Variants in ARHGAP22 observed in about 807,000 individuals in gnomAD.
ARHGAP22 encodes rho GTPase-activating protein 22.
Under a neutral mutation model 59.1 loss-of-function variants are expected in ARHGAP22, and 48 were observed. The ratio of observed to expected loss-of-function variants is 0.81; its 90% CI spans 0.64 to 1.03. The LOEUF is 1.03. Among genes scored for constraint, ARHGAP22 ranks in the 50% least tolerant of loss-of-function variants. ARHGAP22 has a pLI of 0.00. For synonymous variants in ARHGAP22, 445 were observed against 416.4 expected, an observed-to-expected ratio of 1.07 and a Z score of -0.84; for missense variants, 1,015 against 958.7, an observed-to-expected ratio of 1.06 and a Z score of -0.78.
chr10:48,585,368 AT>A (rs2059370217), intron 1 of ARHGAP22, among the ~76,000 whole-genome samples: 1 of 152,032 alleles, frequency 6.6e-6, no homozygotes, highest in Non-Finnish European at 1.5e-5. Flanking sequence ...CCATACTAAC[AT>A]TGGCCCCCTG....
chr10:48,450,984 T>C lies in ARHGAP22; in HGVS notation c.1145A>G (p.Glu382Gly). The C allele has an allele frequency of 6.4e-7, 1 of 1,561,816 alleles. No homozygotes were observed. The highest frequency in any genetic ancestry group is 8.7e-7 in the Non-Finnish European group (1 of 1,153,696). ...CGCGGGCAGGCCGGGGCCGCCGGGC[T>C]CTCCTTGGCTGTCCCTGGTGACCTC... ...SEEVTRDSQG[E>G]PGGPGLPAHR... Residue 382 changes from glutamate (E) to glycine (G), a missense_variant, in exon 9 of 10, where the codon GAG becomes GGG. Coordinates refer to ENST00000249601, the MANE Select transcript of ARHGAP22 (RefSeq NM_021226.4).
At chr10:48,635,378 T>C (rs1415472259) in intron 1 of ARHGAP22, among the ~76,000 whole-genome samples, 2 of 152,240 alleles carry the variant, frequency 1.3e-5, no homozygotes, top group Admixed American at 6.5e-5. Context: ...CCGTAACTTG[T>C]CCCAGCCCCT....
chr10:48,461,903 A>G (rs2047169238), intron 4 of ARHGAP22, among the ~76,000 whole-genome samples: 1 of 152,204 alleles, frequency 6.6e-6, no homozygotes, highest in African/African-American at 2.4e-5. Flanking sequence ...TGTCTTACTT[A>G]GCTTCCCACC....
At chr10:48,479,188 GGCTCCCCGTT>G (rs1430668596) in intron 4 of ARHGAP22, 1 of 169,654 alleles carries the variant, frequency 5.9e-6, no homozygotes, top group Non-Finnish European at 1.3e-5. Flanking sequence ...GCATGCCCCT[GGCTCCCCGTT>G]GCTGCATTAA....
intron 1 of ARHGAP22, among the ~76,000 whole-genome samples, chr10:48,592,433 C>A (rs1306279124): frequency 1.3e-5 from 2 of 152,246 alleles, no homozygotes; most frequent in Non-Finnish European, 2.9e-5. Flanking sequence ...TCCTCCCATT[C>A]TTTGGCCCTT....
At chr10:48,643,519 C>A (rs555712913) in intron 1 of ARHGAP22, among the ~76,000 whole-genome samples, 29 of 151,448 alleles carry the variant, frequency 1.9e-4, no homozygotes, top group African/African-American at 6.1e-4. Context: ...AACCAAACAT[C>A]GCATGTTCTC....
intron 4 of ARHGAP22, among the ~76,000 whole-genome samples, chr10:48,465,068 A>G (rs531408278): frequency 1.7e-3 from 256 of 152,242 alleles, no homozygotes; most frequent in African/African-American, 5.8e-3. Context: ...AGGGTCTCTC[A>G]GGAGCCTGGC....
chr10:48,499,253 G>A (rs1196150570), intron 3 of ARHGAP22, among the ~76,000 whole-genome samples: 1 of 152,242 alleles, frequency 6.6e-6, no homozygotes, highest in African/African-American at 2.4e-5. Context: ...CCTGCAGCTG[G>A]AAGCAGGATG....
intron 3 of ARHGAP22, among the ~76,000 whole-genome samples, chr10:48,487,451 G>A (rs746399578): frequency 6.6e-6 from 1 of 152,128 alleles, no homozygotes; most frequent in Non-Finnish European, 1.5e-5. Flanking sequence ...AATCATAAGG[G>A]TATTTAAAAG....
At chr10:48,490,229 C>T (rs2050252780) in intron 3 of ARHGAP22, among the ~76,000 whole-genome samples, 1 of 152,176 alleles carries the variant, frequency 6.6e-6, no homozygotes, top group Non-Finnish European at 1.5e-5. Flanking sequence ...AGCTGGCAAG[C>T]ACTGTCTAAG....
intron 8 of ARHGAP22, among the ~76,000 whole-genome samples, chr10:48,452,209 A>C (rs2046041571): frequency 1.3e-5 from 2 of 152,136 alleles, no homozygotes; most frequent in African/African-American, 2.4e-5. Context: ...CAGGGCATCT[A>C]TCCAGCTGCC....
intron 1 of ARHGAP22, among the ~76,000 whole-genome samples, chr10:48,595,690 A>AT (rs995452590): frequency 1.5e-4 from 22 of 149,832 alleles, no homozygotes; most frequent in East Asian, 3.9e-4. Context: ...TGCCTGGCTA[A>AT]TTTTTTTTTT....
intron 9 of ARHGAP22, among the ~76,000 whole-genome samples, chr10:48,449,190 T>C (rs1003783106): frequency 6.6e-6 from 1 of 152,256 alleles, no homozygotes; most frequent in Admixed American, 6.5e-5. Flanking sequence ...CTGCAGCAGA[T>C]AGCATCTTCT....
chr10:48,441,716 T>C (rs369558305), downstream of ARHGAP22, among the ~76,000 whole-genome samples: 32 of 152,236 alleles, frequency 2.1e-4, no homozygotes, highest in African/African-American at 7.5e-4. Flanking sequence ...CCTCCCAAAG[T>C]GCTGGGATTA....
intron 3 of ARHGAP22, among the ~76,000 whole-genome samples, chr10:48,522,615 C>T (rs929152899): frequency 8.5e-5 from 13 of 152,236 alleles, no homozygotes; most frequent in Admixed American, 5.2e-4. Context: ...TGGGCTCTGA[C>T]CTGCCCTCGG....
At chr10:48,557,304 GT>G (rs1310207039) in intron 2 of ARHGAP22, among the ~76,000 whole-genome samples, 1 of 152,044 alleles carries the variant, frequency 6.6e-6, no homozygotes, top group South Asian at 2.1e-4. Flanking sequence ...GTACTTTGCT[GT>G]TTTTTTTCCT....
intron 1 of ARHGAP22, among the ~76,000 whole-genome samples, chr10:48,620,181 C>T (rs1020314540): frequency 2.3e-4 from 35 of 152,124 alleles, no homozygotes; most frequent in African/African-American, 8.4e-4. Flanking sequence ...AATACAGTTC[C>T]TCACAGAGTT....
At chr10:48,588,919 C>G (rs2059591636) in intron 1 of ARHGAP22, among the ~76,000 whole-genome samples, 1 of 152,166 alleles carries the variant, frequency 6.6e-6, no homozygotes. Flanking sequence ...AGGCCCCAGG[C>G]CAGGCCTCGA....
At chr10:48,527,832 G>T (rs1240965253) in intron 3 of ARHGAP22, among the ~76,000 whole-genome samples, 1 of 152,214 alleles carries the variant, frequency 6.6e-6, no homozygotes, top group Admixed American at 6.5e-5. Flanking sequence ...TCCAGAAGAA[G>T]GGCCAGAGGT....
Sources: allele counts gnomAD v4.1 joint callset (sites outside exome capture counted in the v4.1 genomes callset), GRCh38; gene constraint gnomAD v4.1.1; transcripts MANE v1.5; gene names NCBI Gene and HGNC (gene_info 2026-07-23, HGNC 2026-07-21).